The following KCNH7 variants were observed in gnomAD, a reference collection of about 807,000 sequenced individuals.
KCNH7 encodes the protein potassium voltage-gated channel subfamily H member 7, also known as voltage-gated inwardly rectifying potassium channel KCNH7.
A neutral mutation model predicts 120.8 loss-of-function variants in KCNH7; 49 were observed. The ratio of observed to expected loss-of-function variants is 0.41; its 90% CI spans 0.32 to 0.51. The LOEUF is 0.51. KCNH7 is among the 20% of genes least tolerant of loss of function. The pLI, the probability that KCNH7 is intolerant of heterozygous loss-of-function variation, is 0.38. For missense variants in KCNH7, 1,097 were observed against 1,446.6 expected, an observed-to-expected ratio of 0.76 and a Z score of 3.92; for synonymous variants, 547 against 516.1, an observed-to-expected ratio of 1.06 and a Z score of -0.81.
chr2:162,664,021 G>A (rs966506534), intron 2 of KCNH7, among the ~76,000 whole-genome samples: 6 of 152,036 alleles, frequency 3.9e-5, no homozygotes, highest in African/African-American at 1.2e-4. Flanking sequence ...CCATGCCAAT[G>A]CTATAGTCTG....
At chr2:162,434,210 T>C (rs1688164071) in intron 8 of KCNH7, among the ~76,000 whole-genome samples, 1 of 151,930 alleles carries the variant, frequency 6.6e-6, no homozygotes, top group Admixed American at 6.6e-5. Context: ...ATGAGAACAA[T>C]AGACATGGAG....
intron 2 of KCNH7, among the ~76,000 whole-genome samples, chr2:162,678,409 G>C (rs748038910): frequency 1.3e-5 from 2 of 151,230 alleles, no homozygotes; most frequent in Non-Finnish European, 3.0e-5. Context: ...CCAACCAAAG[G>C]AACAACTGAT....
At chr2:162,543,286 A>G (rs528824985) in intron 2 of KCNH7, among the ~76,000 whole-genome samples, 61 of 98,084 alleles carry the variant, frequency 6.2e-4, no homozygotes, top group Non-Finnish European at 9.5e-4. Flanking sequence ...ACACATACGC[A>G]CACACACACA....
intron 2 of KCNH7, among the ~76,000 whole-genome samples, chr2:162,721,880 A>G (rs907622054): frequency 2.6e-5 from 4 of 152,142 alleles, no homozygotes. Context: ...TGATGGCGGA[A>G]TAACTTTAAG....
chr2:162,831,653 A>G (rs1033521719), intron 2 of KCNH7, among the ~76,000 whole-genome samples: 24 of 152,288 alleles, frequency 1.6e-4, no homozygotes, highest in African/African-American at 4.8e-4. Context: ...TTTATACCAA[A>G]CAACAACAGC....
At chr2:162,733,218 G>A (rs538605316) in intron 2 of KCNH7, among the ~76,000 whole-genome samples, 1 of 152,266 alleles carries the variant, frequency 6.6e-6, no homozygotes, top group East Asian at 1.9e-4. Flanking sequence ...AAATAAACTA[G>A]AGCTGAGTAG....
chr2:162,557,447 G>T (rs1367859119), intron 2 of KCNH7, among the ~76,000 whole-genome samples: 1 of 152,052 alleles, frequency 6.6e-6, no homozygotes, highest in Non-Finnish European at 1.5e-5. Context: ...GAGTCCACAG[G>T]GTCCACTCAT....
At chr2:162,525,886 G>C (rs1041403662) in intron 3 of KCNH7, among the ~76,000 whole-genome samples, 1 of 151,884 alleles carries the variant, frequency 6.6e-6, no homozygotes, top group African/African-American at 2.4e-5. Flanking sequence ...GCTCTCTGGT[G>C]TGGTTATACC....
intron 2 of KCNH7, among the ~76,000 whole-genome samples, chr2:162,607,220 C>CAAAAAAAAAAAAAAAAAAA: frequency 8.9e-6 from 1 of 111,970 alleles, no homozygotes; most frequent in Non-Finnish European, 2.0e-5. Context: ...ACTAAAAATA[C>CAAAAAAAAAAAAAAAAAAA]AAAAAAAAAA....
intron 12 of KCNH7, among the ~76,000 whole-genome samples, chr2:162,387,349 TA>T (rs1686604005): frequency 6.6e-6 from 1 of 151,352 alleles, no homozygotes; most frequent in East Asian, 1.9e-4. Flanking sequence ...GCTGATGTAA[TA>T]TGTACATGAA....
At chr2:162,595,552 T>C (rs545852447) in intron 2 of KCNH7, among the ~76,000 whole-genome samples, 7 of 151,060 alleles carry the variant, frequency 4.6e-5, no homozygotes, top group African/African-American at 1.5e-4. Flanking sequence ...ACAAAATAGG[T>C]ATAGGAGGAA....
At chr2:162,477,817 T>C (rs191323477) in intron 6 of KCNH7, among the ~76,000 whole-genome samples, 22 of 148,902 alleles carry the variant, frequency 1.5e-4, no homozygotes, top group Admixed American at 7.4e-4. Context: ...CCCAAACATC[T>C]ATCCATCCAT....
intron 2 of KCNH7, among the ~76,000 whole-genome samples, chr2:162,762,283 A>ATG (rs756325209): frequency 6.6e-5 from 10 of 151,378 alleles, no homozygotes; most frequent in African/African-American, 1.2e-4. Context: ...ATATATACAT[A>ATG]TGTGTGTGTG....
At chr2:162,450,977 A>G (rs1437801778) in intron 6 of KCNH7, among the ~76,000 whole-genome samples, 2 of 152,034 alleles carry the variant, frequency 1.3e-5, no homozygotes, top group African/African-American at 2.4e-5. Flanking sequence ...TTGTTTCTTT[A>G]TGGTTCCAAT....
At chr2:162,642,832 A>T (rs1684213823) in intron 2 of KCNH7, among the ~76,000 whole-genome samples, 1 of 152,224 alleles carries the variant, frequency 6.6e-6, no homozygotes, top group African/African-American at 2.4e-5. Flanking sequence ...AGGCTGGAGG[A>T]AGCACTAAGT....
chr2:162,480,672 A>T (rs1689902198), intron 6 of KCNH7, among the ~76,000 whole-genome samples: 1 of 152,070 alleles, frequency 6.6e-6, no homozygotes, highest in Admixed American at 6.6e-5. Flanking sequence ...AACTGAGGGG[A>T]TTTATTTTTA....
chr2:162,620,154 A>G (rs986902200), intron 2 of KCNH7, among the ~76,000 whole-genome samples: 23 of 144,126 alleles, frequency 1.6e-4, no homozygotes, highest in African/African-American at 5.5e-4. Context: ...AAATATAGAT[A>G]TATATATAGA....
At chr2:162,778,802 G>A (rs1477887348) in intron 2 of KCNH7, among the ~76,000 whole-genome samples, 1 of 152,106 alleles carries the variant, frequency 6.6e-6, no homozygotes, top group Non-Finnish European at 1.5e-5. Context: ...CATACTATCA[G>A]ACATCACTGC....
At chr2:162,595,153 G>C (rs1272212216) in intron 2 of KCNH7, among the ~76,000 whole-genome samples, 1 of 151,988 alleles carries the variant, frequency 6.6e-6, no homozygotes, top group Non-Finnish European at 1.5e-5. Flanking sequence ...TGGTGGGGAG[G>C]CCTCAGGAAA....
Sources: gnomAD v4.1 joint callset for allele counts (sites outside exome capture counted in the v4.1 genomes callset) on GRCh38, gnomAD v4.1.1 for gene constraint, MANE v1.5 for transcripts, NCBI Gene and HGNC (gene_info 2026-07-23, HGNC 2026-07-21) for gene names.